SRPX: variants seen among roughly 807,000 people sequenced by gnomAD.
SRPX encodes sushi repeat containing protein X-linked, also known as sushi repeat-containing protein SRPX.
Under a neutral mutation model 38.1 loss-of-function variants are expected in SRPX, and 24 were observed. The ratio of observed to expected loss-of-function variants is 0.63; its 90% CI spans 0.46 to 0.89. The LOEUF is 0.89. SRPX is among the 40% of genes least tolerant of loss of function. The pLI is 0.00. For missense variants in SRPX, 416 were observed against 377.8 expected (o/e 1.10, Z -0.84); for synonymous variants, 184 against 153.8 (o/e 1.20, Z -1.45).
At chrX:38,182,193 A>G (rs937321244) in intron 1 of SRPX, among the ~76,000 whole-genome samples, 2 of 112,148 alleles carry the variant, frequency 1.8e-5, no homozygotes, top group African/African-American at 3.2e-5. Context: ...TACTTGTCCA[A>G]GGTTATGCAG....
intron 1 of SRPX, among the ~76,000 whole-genome samples, chrX:38,193,750 G>T (rs1938947918): frequency 8.9e-6 from 1 of 111,930 alleles, no homozygotes; most frequent in Admixed American, 9.4e-5. Context: ...ATTACAGATT[G>T]CTCTGGCACA....
intron 4 of SRPX, among the ~76,000 whole-genome samples, chrX:38,165,198 G>A (rs752295448): frequency 1.8e-5 from 2 of 111,870 alleles, no homozygotes; most frequent in East Asian, 2.8e-4. Context: ...TCTGCCTACC[G>A]AAGGCCACAT....
chrX:38,217,894 T>A (rs1441600613), intron 1 of SRPX, among the ~76,000 whole-genome samples: 5 of 112,248 alleles, frequency 4.5e-5, no homozygotes, highest in African/African-American at 1.6e-4. Flanking sequence ...GAAAGTGTTA[T>A]CAATGAAGAA....
At chrX:38,205,345 T>C (rs1474719594) in intron 1 of SRPX, among the ~76,000 whole-genome samples, 1 of 112,292 alleles carries the variant, frequency 8.9e-6, no homozygotes, top group East Asian at 2.8e-4. Context: ...TTGAACATCT[T>C]TGGTTTAAGT....
chrX:38,212,112 C>T lies in SRPX; in HGVS notation c.97+8584G>A, dbSNP rs778983028. 2.7e-5 allele frequency among the ~76,000 whole-genome samples: 3 copies of T among 112,245 alleles called. No homozygotes were observed. The South Asian group carries it at 1.1e-3, about 42-fold the overall frequency. ...TTCATCAGGTATTAATACATCTTAG[C>T]TGCAGGAAAAAGCCATGCAAGGCCC... On this transcript the variant is annotated intron_variant, in intron 1 of 9. Transcript: ENST00000378533.
intron 1 of SRPX, among the ~76,000 whole-genome samples, chrX:38,187,619 A>G (rs1031116759): frequency 8.9e-6 from 1 of 112,414 alleles, no homozygotes; most frequent in Non-Finnish European, 1.9e-5. Context: ...GGACTCACCA[A>G]AAGTTATTTT....
chrX:38,204,903 G>A (rs532568402), intron 1 of SRPX, among the ~76,000 whole-genome samples: 2 of 112,268 alleles, frequency 1.8e-5, no homozygotes, highest in Admixed American at 1.9e-4. Flanking sequence ...AATGATGCAA[G>A]TTCCTTGAAA....
At chrX:38,193,356 C>T (rs1329475176) in intron 1 of SRPX, among the ~76,000 whole-genome samples, 2 of 111,622 alleles carry the variant, frequency 1.8e-5, no homozygotes, top group Non-Finnish European at 3.8e-5. Context: ...AGTCAAGTCA[C>T]ATTCAAATTT....
chrX:38,205,924 T>C (rs1344232382), intron 1 of SRPX, among the ~76,000 whole-genome samples: 2 of 112,541 alleles, frequency 1.8e-5, no homozygotes, highest in Non-Finnish European at 3.8e-5. Flanking sequence ...GCCTGCACAG[T>C]GGCCACCGAC....
chrX:38,168,966 G>A (rs1307267816), intron 4 of SRPX, among the ~76,000 whole-genome samples: 4 of 111,935 alleles, frequency 3.6e-5, no homozygotes, highest in Non-Finnish European at 5.6e-5. Flanking sequence ...CAGCCTGGAC[G>A]ACATAGCAAG....
At chrX:38,185,904 G>T (rs923720538) in intron 1 of SRPX, among the ~76,000 whole-genome samples, 4 of 104,971 alleles carry the variant, frequency 3.8e-5, no homozygotes, top group Non-Finnish European at 7.8e-5. Flanking sequence ...AAAAAGGGGG[G>T]GGGGAGTGAG....
intron 1 of SRPX, among the ~76,000 whole-genome samples, chrX:38,213,927 T>C (rs1219474246): frequency 9.0e-6 from 1 of 111,244 alleles, no homozygotes; most frequent in East Asian, 2.8e-4. Context: ...TCATGAGAAA[T>C]CCGCCCCCCA....
At chrX:38,164,004 T>G (rs1372026731) in intron 5 of SRPX, among the ~76,000 whole-genome samples, 2 of 111,670 alleles carry the variant, frequency 1.8e-5, no homozygotes, top group African/African-American at 3.3e-5. Flanking sequence ...GGCTCTATTC[T>G]TAAATTAACC....
At chrX:38,171,130 A>G (rs1394806619) in intron 4 of SRPX, among the ~76,000 whole-genome samples, 1 of 111,714 alleles carries the variant, frequency 9.0e-6, no homozygotes, top group Non-Finnish European at 1.9e-5. Context: ...GCAGAATCCT[A>G]GGACCCACCG....
chrX:38,150,522 T>C (rs979153215), intron 9 of SRPX, among the ~76,000 whole-genome samples: 4 of 112,054 alleles, frequency 3.6e-5, no homozygotes, highest in African/African-American at 1.3e-4. Flanking sequence ...CTGCTAAACA[T>C]CTTGCAATGC....
Position 38,174,091 on chromosome X carries a change from C to G in SRPX, c.349+69G>C, listed in dbSNP as rs1938525813. 4.5e-6 allele frequency: 4 copies of G among 897,457 alleles called. No individual in the cohort carries two copies. The East Asian group carries it at 1.5e-4, about 34-fold the overall frequency. The allele number at this position is 897,457 out of a possible 1,213,427, so 74.0% of individuals were successfully genotyped here. A position where few individuals can be genotyped will look rare whatever the true frequency, so the allele number is the denominator to read the frequency against. ...CTCATCAATATTCAGTGAAAATCCT[C>G]AATCTCAGAGCAAAAGAACTTTGGC... On this transcript the variant is annotated intron_variant, in intron 3 of 9. Transcript: ENST00000378533.
intron 1 of SRPX, among the ~76,000 whole-genome samples, chrX:38,178,606 A>G (rs928031319): frequency 1.8e-5 from 2 of 111,858 alleles, no homozygotes; most frequent in Non-Finnish European, 3.8e-5. Context: ...ATTCTGGAAT[A>G]GGGAAACAGA....
intron 8 of SRPX, 104 bp downstream of exon 8, chrX:38,156,792 G>A: frequency 1.0e-6 from 1 of 970,086 alleles, no homozygotes. Flanking sequence ...GAAACTCACT[G>A]TAAGTGCATT....
chrX:38,215,764 AG>A lies in SRPX; in HGVS notation c.97+4931del, dbSNP rs1360216334. ...AGTCACACTGTGTACTAAGTGGGGC[AG>A]GGGGGTACAGCAAGTTACCAGCCCA... On this transcript the variant is annotated intron_variant, in intron 1 of 9. Transcript: ENST00000378533. Among the ~76,000 whole-genome samples, 11 of 112,242 alleles carry A rather than the reference AG, an allele frequency of 9.8e-5. No individual in the cohort carries two copies. The Admixed American group carries it at 1.0e-3, about 11-fold the overall frequency.
Sources: allele counts gnomAD v4.1 joint callset (sites outside exome capture counted in the v4.1 genomes callset), GRCh38; gene constraint gnomAD v4.1.1; transcripts MANE v1.5; gene names NCBI Gene and HGNC (gene_info 2026-07-23, HGNC 2026-07-21).